CUL9: variants seen among roughly 807,000 people sequenced by gnomAD.
The protein encoded by CUL9 is cullin-9.
CUL9 carries 79 observed loss-of-function variants against 272.6 expected under a neutral mutation model. The observed-to-expected ratio is 0.29, with a 90% CI of 0.24 to 0.35. The LOEUF is 0.35. Ranked by LOEUF, CUL9 falls within the 10% of genes least tolerant of loss-of-function variation. The probability of loss-of-function intolerance (pLI) is 1.00; values close to 1 mark genes in which losing one functional copy is unlikely to be tolerated. For missense variants in CUL9, 2,532 were observed against 3,255.6 expected, an observed-to-expected ratio of 0.78 and a Z score of 5.41; for synonymous variants, 1,186 against 1,286.5, an observed-to-expected ratio of 0.92 and a Z score of 1.67.
intron 24 of CUL9, 86 bp from the exon 25 acceptor site, chr6:43,205,913 AGGCAGAGG>A: frequency 9.5e-7 from 1 of 1,053,916 alleles, no homozygotes; most frequent in South Asian, 1.5e-5. Context: ...TATGTGACTC[AGGCAGAGG>A]GACAGAGGGA....
At chr6:43,202,655 A>T in intron 16 of CUL9, 61 bp from the exon 17 acceptor site, 1 of 1,441,526 alleles carries the variant, frequency 6.9e-7, no homozygotes, top group Non-Finnish European at 9.8e-7. Flanking sequence ...TGTTGGGATT[A>T]CAGATGTGAG....
At position 43,218,156 on chromosome 6, in the gene CUL9, AATATTG is replaced by A. The variant is rs1456251682; in HGVS notation, c.6282+1659_6282+1664del. Among the ~76,000 whole-genome samples, 2 of 151,996 alleles carry A rather than the reference AATATTG, an allele frequency of 1.3e-5. No individual in the cohort carries two copies. Among genetic ancestry groups the A allele is most frequent in the African/African-American group, 4.8e-5 (2 of 41,402 alleles). Reference sequence around the variant, plus strand: ...GAGAAGCCATGGTGGGTTTAAGCAGAATATTGATATTATCTGGTTTACATTTTTTAT... The same window carrying A: ...GAGAAGCCATGGTGGGTTTAAGCAGAATATTATCTGGTTTACATTTTTTAT... On this transcript the variant is annotated intron_variant, in intron 31 of 40. Transcript: ENST00000252050. This position sits in a 1 kb window ranked among gnomAD's most constrained non-coding sequence, Gnocchi z 4.4.
rs199560789 is a variant in CUL9, at chr6:43,203,902, C to T, written c.4074C>T (p.Leu1358=). The T allele has an allele frequency of 3.7e-6, 6 of 1,613,538 alleles. No homozygotes were observed. The highest frequency in any genetic ancestry group is 1.7e-5 in the Admixed American group (1 of 59,972). Residue 1358 remains leucine (L), a synonymous_variant, in exon 20 of 41, where the codon CTC becomes CTT. Transcript: ENST00000252050. This position sits in a 1 kb window ranked among gnomAD's most constrained non-coding sequence, Gnocchi z 5.0. ...RHEQNFADRF[L]PDDEAAQALG... ...AGCAGAATTTTGCTGACCGCTTCCT[C>T]CCTGATGATGAGGCCGCCCAGGCAC... is the stretch of plus-strand genomic sequence containing the variant.
At chr6:43,217,449 G>A (rs933464960) in intron 31 of CUL9, among the ~76,000 whole-genome samples, 2 of 152,062 alleles carry the variant, frequency 1.3e-5, no homozygotes, top group Admixed American at 1.3e-4. Flanking sequence ...AAAAATGTGG[G>A]GCTGAGGTAC....
chr6:43,196,641 C>T lies in CUL9; in HGVS notation c.2586-4C>T. On this transcript the variant is annotated splice_region_variant and splice_polypyrimidine_tract_variant and intron_variant, in intron 10 of 40. Transcript: ENST00000252050. ...TTTCTTCCTGGTCACCTCCCTCCTC[C>T]CAGGTGCTCTTCTGCAGCGAGAAAT... is the stretch of plus-strand genomic sequence containing the variant. 3 of 1,613,370 alleles carry T rather than the reference C, an allele frequency of 1.9e-6. No individual in the cohort carries two copies. In the South Asian group the frequency reaches 3.3e-5, roughly 18 times the overall value.
chr6:43,220,741 C>G lies in CUL9; in HGVS notation c.6424-6C>G. ...CCCTCACCTCGTGGCACCTGCGTCT[C>G]CACAGTATGAGAAGGCGCTCCTGCG... On this transcript the variant is annotated splice_polypyrimidine_tract_variant and splice_region_variant and intron_variant, in intron 32 of 40. Transcript: ENST00000252050. The surrounding 1 kb of genome is among the most constrained non-coding windows in gnomAD (Gnocchi z 4.9). The G allele has an allele frequency of 6.2e-7, 1 of 1,611,838 alleles. No individual in the cohort carries two copies. The highest frequency in any genetic ancestry group is 8.5e-7 in the Non-Finnish European group (1 of 1,179,502).
At chr6:43,188,140 A>T in intron 7 of CUL9, 22 bp downstream of exon 7, 1 of 1,612,706 alleles carries the variant, frequency 6.2e-7, no homozygotes, top group Admixed American at 1.7e-5. Context: ...TCTGGGAGGA[A>T]GCAATTGGAA....
At chr6:43,187,583 G>A in intron 6 of CUL9, 130 bp from the exon 7 acceptor site, 1 of 1,327,564 alleles carries the variant, frequency 7.5e-7, no homozygotes, top group Non-Finnish European at 1.0e-6. Context: ...GGGGGTTGGA[G>A]GCAAGTGCTG....
chr6:43,202,387 G>C (rs1774676051), intron 16 of CUL9, among the ~76,000 whole-genome samples: 1 of 152,142 alleles, frequency 6.6e-6, no homozygotes, highest in Non-Finnish European at 1.5e-5. Flanking sequence ...TGAAACTGTG[G>C]GTTTAAATTA....
rs929839079 is a variant in CUL9, at chr6:43,185,539, C to A, written c.679C>A (p.Leu227Met). The change falls in exon 3 of 41, where the codon CTG (leucine) becomes ATG (methionine). Residue 227 changes from leucine (L) to methionine (M), a missense_variant. Physicochemically the swap from Leu to Met is conservative, Grantham distance 15 (BLOSUM62 2). Transcript: ENST00000252050. The part of the protein sequence containing the change: ...HMDFDSRYTL[L>M]ELFAETTSSE... ...GGATTTTGACAGTCGCTATACATTG[C>A]TGGAGCTGTTTGCAGAAACCACATC... 2.5e-6 allele frequency: 4 copies of A among 1,613,992 alleles called. No homozygotes were observed. The highest frequency in any genetic ancestry group is 3.3e-5 in the Admixed American group (2 of 60,024).
At chr6:43,189,105 CT>C (rs1206260441) in intron 8 of CUL9, 1 of 160,308 alleles carries the variant, frequency 6.2e-6, no homozygotes, top group Admixed American at 6.5e-5. Context: ...AGTTTTTTCT[CT>C]TTCTTTTTCT....
intron 1 of CUL9, among the ~76,000 whole-genome samples, chr6:43,183,097 A>G (rs572041034): frequency 6.6e-6 from 1 of 152,354 alleles, no homozygotes; most frequent in South Asian, 2.1e-4. Flanking sequence ...AGGTTAAGTA[A>G]CTTGTTCCAA....
At position 43,218,179 on chromosome 6, in the gene CUL9, A is replaced by C. The variant is rs1404028726; in HGVS notation, c.6282+1676A>C. On this transcript the variant is annotated intron_variant, in intron 31 of 40. Transcript: ENST00000252050. This position sits in a 1 kb window ranked among gnomAD's most constrained non-coding sequence, Gnocchi z 4.4. ...AGAATATTGATATTATCTGGTTTAC[A>C]TTTTTTATTTTTATTATATTATTTA... Among the ~76,000 whole-genome samples the C allele has an allele frequency of 6.6e-6, 1 of 151,600 alleles. No homozygotes were observed. The highest frequency in any genetic ancestry group is 1.9e-4 in the East Asian group (1 of 5,186).
At chr6:43,182,452 C>CT (rs1285651760) in intron 1 of CUL9, among the ~76,000 whole-genome samples, 2 of 151,512 alleles carry the variant, frequency 1.3e-5, no homozygotes, top group African/African-American at 4.9e-5. Flanking sequence ...TGCTGGCCTC[C>CT]TCCACCTCCC....
chr6:43,220,875 T>C lies in CUL9; in HGVS notation c.6552T>C (p.Cys2184=). Residue 2184 remains cysteine, a synonymous_variant, in exon 33 of 41, where the codon TGT becomes TGC. Coordinates refer to ENST00000252050, the MANE Select transcript of CUL9 (RefSeq NM_015089.4). This position sits in a 1 kb window ranked among gnomAD's most constrained non-coding sequence, Gnocchi z 4.9. ...GLGCGTTCSK[C]GWASCFNCSF... is the part of the protein sequence containing the mutation. ...GCTGTGGGACCACCTGCTCCAAGTG[T>C]GGCTGGGCCTCTTGCTTCAACTGTA... The C allele has an allele frequency of 6.2e-7, 1 of 1,613,432 alleles. No individual in the cohort carries two copies. Among genetic ancestry groups the C allele is most frequent in the South Asian group, 1.1e-5 (1 of 91,012 alleles).
At chr6:43,195,981 C>T in intron 9 of CUL9, 88 bp from the exon 10 acceptor site, 1 of 1,124,866 alleles carries the variant, frequency 8.9e-7, no homozygotes. Flanking sequence ...AGCTCAGCTG[C>T]CCCAAAGTTT....
Position 43,200,704 on chromosome 6 carries a change from G to T in CUL9, c.3517G>T (p.Val1173Leu). The T allele has an allele frequency of 6.2e-7, 1 of 1,614,206 alleles. No homozygotes were observed. Among genetic ancestry groups the T allele is most frequent in the Non-Finnish European group, 8.5e-7 (1 of 1,180,034 alleles). The change falls in exon 16 of 41, where the codon GTG (valine) becomes TTG (leucine). Residue 1173 changes from valine (V) to leucine (L), a missense_variant. Val to Leu is a conservative substitution (Grantham distance 32). This residue lies in a region of CUL9 where 2,218 missense variants were observed against 2,788.6 expected (regional missense o/e 0.80). Coordinates refer to ENST00000252050, the MANE Select transcript of CUL9 (RefSeq NM_015089.4). The surrounding 1 kb of genome is among the most constrained non-coding windows in gnomAD (Gnocchi z 4.0). ...GAAGGAGGACAAGTGCTGGGAGAAG[G>T]TGGAGGTGTCCTCCAACCCGCACCG... The part of the protein sequence containing the change: ...EVKEDKCWEK[V>L]EVSSNPHRAS...
intron 16 of CUL9, among the ~76,000 whole-genome samples, chr6:43,201,839 C>G (rs919830962): frequency 6.6e-6 from 1 of 152,186 alleles, no homozygotes; most frequent in Non-Finnish European, 1.5e-5. Flanking sequence ...AAAGGCAGAT[C>G]ACAAAATGTT....
At position 43,221,727 on chromosome 6, in the gene CUL9, C is replaced by T; in HGVS notation, c.6795C>T (p.Cys2265=). ...GTAACCATGGATTCTGCTGGCGCTG[C>T]CTCAAGTCCTGGAAGCCAAATCACA... ...AKCNHGFCWR[C]LKSWKPNHKD... is the part of the protein sequence containing the mutation. The change falls in exon 35 of 41, where the codon TGC becomes TGT. Residue 2265 remains cysteine (C), a synonymous_variant. Transcript: ENST00000252050. The surrounding 1 kb of genome is among the most constrained non-coding windows in gnomAD (Gnocchi z 4.2). 6.2e-7 allele frequency: 1 copy of T among 1,613,804 alleles called. No individual in the cohort carries two copies. Among genetic ancestry groups the T allele is most frequent in the Non-Finnish European group, 8.5e-7 (1 of 1,180,032 alleles).
Sources: allele counts gnomAD v4.1 joint callset (sites outside exome capture counted in the v4.1 genomes callset), GRCh38; gene constraint gnomAD v4.1.1; regional missense constraint gnomAD v4.1.1; non-coding constraint Gnocchi (gnomAD v3.1); transcripts MANE v1.5; gene names NCBI Gene and HGNC (gene_info 2026-07-23, HGNC 2026-07-21).